STK40: variants seen among roughly 807,000 people sequenced by gnomAD.
STK40 encodes the protein serine/threonine kinase 40, also known as serine/threonine-protein kinase 40.
In STK40, 13 loss-of-function variants were observed where a neutral mutation model predicts 47.9. That is an observed-to-expected ratio of 0.27 (90% confidence interval 0.18 to 0.43). The LOEUF (loss-of-function observed/expected upper bound fraction) is 0.43. STK40 is among the 20% of genes least tolerant of loss of function. The pLI is 1.00. For synonymous variants in STK40, 225 were observed against 243.2 expected, an observed-to-expected ratio of 0.93 and a Z score of 0.69; for missense variants, 460 against 595.1, an observed-to-expected ratio of 0.77 and a Z score of 2.36.
intron 1 of STK40, among the ~76,000 whole-genome samples, chr1:36,371,858 C>T (rs1386795983): frequency 6.6e-6 from 1 of 151,636 alleles, no homozygotes; most frequent in African/African-American, 2.4e-5. Context: ...ATTAGCAGGG[C>T]GTGGCAGTGT....
At chr1:36,359,588 G>A (rs994444533) in intron 2 of STK40, among the ~76,000 whole-genome samples, 14 of 152,212 alleles carry the variant, frequency 9.2e-5, no homozygotes, top group Admixed American at 4.6e-4. Flanking sequence ...TCACTGTCCC[G>A]TGACAGCACC....
intron 1 of STK40, among the ~76,000 whole-genome samples, chr1:36,378,207 G>A: frequency 6.6e-6 from 1 of 152,160 alleles, no homozygotes; most frequent in East Asian, 1.9e-4. Flanking sequence ...GGCTCTATGA[G>A]TCCAAGATTC....
intron 1 of STK40, among the ~76,000 whole-genome samples, chr1:36,366,323 G>C (rs1646901580): frequency 6.6e-6 from 1 of 152,188 alleles, no homozygotes; most frequent in Admixed American, 6.5e-5. Context: ...GACACAGGCC[G>C]ACAGAAGGAT....
intron 1 of STK40, chr1:36,372,730 T>C (rs1646960399): frequency 6.6e-6 from 1 of 152,228 alleles, no homozygotes; most frequent in Non-Finnish European, 1.5e-5. Context: ...GAGGTCATGC[T>C]TCCCTCAGAA....
chr1:36,341,310 G>C lies in STK40; in HGVS notation c.*445C>G, dbSNP rs1028350857. The C allele has an allele frequency of 1.2e-5, 2 of 162,350 alleles. No homozygotes were observed. Among genetic ancestry groups the C allele is most frequent in the Non-Finnish European group, 2.7e-5 (2 of 73,736 alleles). The allele number at this position is 162,350 out of a possible 1,614,324, so 10.1% of individuals were successfully genotyped here. On this transcript the variant is annotated 3_prime_UTR_variant, in exon 11 of 11. Coordinates refer to ENST00000373132, the MANE Select transcript of STK40 (RefSeq NM_001282547.2). ...AAGAGGCTGTGGCAGGGGCCTGGGAGAGCAGGGAGGAGGGGAAGCTCGCTC... is the reference window on the plus strand; with the variant it reads ...AAGAGGCTGTGGCAGGGGCCTGGGACAGCAGGGAGGAGGGGAAGCTCGCTC...
chr1:36,352,627 C>T (rs1646769332), intron 6 of STK40, among the ~76,000 whole-genome samples: 1 of 152,162 alleles, frequency 6.6e-6, no homozygotes, highest in South Asian at 2.1e-4. Flanking sequence ...TTCCTGTTTC[C>T]CTCCCTTCCC....
intron 1 of STK40, among the ~76,000 whole-genome samples, chr1:36,371,019 C>G (rs113128017): frequency 0.16 from 24,754 of 151,418 alleles, 2,486 homozygotes; most frequent in Middle Eastern, 0.28. Context: ...TGGGATTACA[C>G]GTGCATGCCA....
intron 1 of STK40, among the ~76,000 whole-genome samples, chr1:36,363,548 TGTAATACCA>T (rs1274283690): frequency 6.6e-6 from 1 of 151,904 alleles, no homozygotes; most frequent in Non-Finnish European, 1.5e-5. Flanking sequence ...GGCTCACGCC[TGTAATACCA>T]GCACTTTGGG....
At chr1:36,345,987 A>AT (rs1397972473) in intron 7 of STK40, among the ~76,000 whole-genome samples, 2 of 17,270 alleles carry the variant, frequency 1.2e-4, no homozygotes, top group Admixed American at 6.8e-4. Flanking sequence ...ATATATATAT[A>AT]TATATTTTTT....
intron 9 of STK40, 46 bp downstream of exon 9, chr1:36,343,814 C>A (rs1473729061): frequency 1.3e-6 from 2 of 1,532,832 alleles, no homozygotes; most frequent in African/African-American, 2.8e-5. Context: ...TGGGCAGAGG[C>A]CCTGAGGACG....
chr1:36,354,433 G>GT lies in STK40; in HGVS notation c.571-18dup, dbSNP rs773482374. The GT allele has an allele frequency of 6.2e-7, 1 of 1,613,784 alleles. No individual in the cohort carries two copies. The highest frequency in any genetic ancestry group is 1.1e-5 in the South Asian group (1 of 91,076). The stretch of plus-strand genomic sequence containing the variant: ...GATATTTTTCTGTAAAACAACAGGC[G>GT]TATGGTTTACATTGTCAATGTGAGA... On this transcript the variant is annotated splice_polypyrimidine_tract_variant and intron_variant, in intron 5 of 10. Transcript: ENST00000373132.
At chr1:36,348,430 A>C (rs1295032827) in intron 7 of STK40, among the ~76,000 whole-genome samples, 1 of 152,216 alleles carries the variant, frequency 6.6e-6, no homozygotes, top group Non-Finnish European at 1.5e-5. Context: ...TTGTGGGGAA[A>C]GTCCTCCAAG....
In STK40 at chr1:36,358,746, A is replaced by G; in HGVS notation, c.189T>C (p.Tyr63=). 2 of 1,614,120 alleles carry G rather than the reference A, an allele frequency of 1.2e-6. No individual in the cohort carries two copies. Among genetic ancestry groups the G allele is most frequent in the South Asian group, 1.1e-5 (1 of 91,078 alleles). ...LARKDGTDDF[Y]QLKILTLEER... is the part of the protein sequence containing the mutation. ...CCCATGTCTCACTTACCTTCAGCTGATAGAAGTCATCCGTGCCATCTTTCC... is the reference window on the plus strand; with the variant it reads ...CCCATGTCTCACTTACCTTCAGCTGGTAGAAGTCATCCGTGCCATCTTTCC... Residue 63 remains tyrosine, a synonymous_variant, in exon 3 of 11, where the codon TAT becomes TAC. Coordinates refer to ENST00000373132, the MANE Select transcript of STK40 (RefSeq NM_001282547.2).
At chr1:36,378,510 G>C (rs1013620789) in intron 1 of STK40, among the ~76,000 whole-genome samples, 2 of 151,984 alleles carry the variant, frequency 1.3e-5, no homozygotes, top group Non-Finnish European at 2.9e-5. Flanking sequence ...CCAGGCTGGA[G>C]TGCAGTGACA....
intron 2 of STK40, among the ~76,000 whole-genome samples, chr1:36,360,596 C>T (rs963652745): frequency 6.6e-6 from 1 of 151,730 alleles, no homozygotes; most frequent in Admixed American, 6.6e-5. Context: ...AATGCAGTGG[C>T]GTGATCACGA....
rs541114305 is a variant in STK40 at position 36,378,483 on chromosome 1, G to A, written c.-9+7240C>T. Among the ~76,000 whole-genome samples the A allele has an allele frequency of 1.3e-4, 20 of 151,280 alleles. No individual in the cohort carries two copies. In the East Asian group the frequency reaches 3.3e-3, roughly 25 times the overall value. ...GCTTTTTTTCTTTTTTTTTTGAGAC[G>A]GAGTCTTGCTCTGTCACCAGGCTGG... On this transcript the variant is annotated intron_variant, in intron 1 of 10. Coordinates refer to ENST00000373132, the MANE Select transcript of STK40 (RefSeq NM_001282547.2).
At chr1:36,385,046 G>T (rs1647073568) in intron 1 of STK40, among the ~76,000 whole-genome samples, 1 of 152,214 alleles carries the variant, frequency 6.6e-6, no homozygotes, top group Non-Finnish European at 1.5e-5. Context: ...TGGGGATTGG[G>T]GTGGGCAGAA....
At chr1:36,373,851 G>A (rs758132054) in intron 1 of STK40, among the ~76,000 whole-genome samples, 2 of 152,198 alleles carry the variant, frequency 1.3e-5, no homozygotes, top group Non-Finnish European at 2.9e-5. Context: ...GGTTATAAGT[G>A]AACTGGCTGC....
chr1:36,375,004 T>C (rs754902364), intron 1 of STK40, among the ~76,000 whole-genome samples: 16 of 152,158 alleles, frequency 1.1e-4, no homozygotes, highest in Non-Finnish European at 2.1e-4. Context: ...ATAGCCCAAA[T>C]CAGGCAAGGA....
Sources: allele counts gnomAD v4.1 joint callset (sites outside exome capture counted in the v4.1 genomes callset), GRCh38; gene constraint gnomAD v4.1.1; transcripts MANE v1.5; gene names NCBI Gene and HGNC (gene_info 2026-07-23, HGNC 2026-07-21).